Variants in LIN28A observed in about 807,000 individuals in gnomAD.
LIN28A encodes lin-28 RNA binding posttranscriptional regulator A.
LIN28A carries 11 observed loss-of-function variants against 21.1 expected under a neutral mutation model. That is an observed-to-expected ratio of 0.52 (90% CI 0.33 to 0.86). The LOEUF (loss-of-function observed/expected upper bound fraction) is 0.86. LIN28A is among the 40% of genes least tolerant of loss of function. The pLI, the probability that LIN28A is intolerant of heterozygous loss-of-function variation, is 0.03. For missense variants in LIN28A, 219 were observed against 279.8 expected, an observed-to-expected ratio of 0.78 and a Z score of 1.55; for synonymous variants, 111 against 108.7, an observed-to-expected ratio of 1.02 and a Z score of -0.13.
At chr1:26,423,759 TGTTTGTTG>T (rs1293534413) in intron 2 of LIN28A, among the ~76,000 whole-genome samples, 1 of 132,642 alleles carries the variant, frequency 7.5e-6, no homozygotes, top group Non-Finnish European at 1.5e-5. Flanking sequence ...TTTGTTTTTT[TGTTTGTTG>T]GTTTGTTTGT....
chr1:26,426,417 G>A lies in LIN28A; in HGVS notation c.589G>A (p.Glu197Lys). 1 of 1,614,184 alleles carries A rather than the reference G, an allele frequency of 6.2e-7. No homozygotes were observed. The highest frequency in any genetic ancestry group is 1.1e-5 in the South Asian group (1 of 91,082). Residue 197 changes from glutamate to lysine, a missense_variant, in exon 4 of 4, where the codon GAA (glutamate) becomes AAA (lysine). Coordinates refer to ENST00000326279, the MANE Select transcript of LIN28A (RefSeq NM_024674.6). The part of the protein sequence containing the change: ...KPTYFREEEE[E>K]IHSPTLLPEA... ...AACCTACTTTCGAGAGGAAGAAGAA[G>A]AAATCCACAGCCCTACCCTGCTCCC... is the stretch of plus-strand genomic sequence containing the variant.
chr1:26,427,948 C>T lies in LIN28A; in HGVS notation c.*1490C>T, dbSNP rs918737608. 5.9e-5 allele frequency: 9 copies of T among 152,576 alleles called. No individual in the cohort carries two copies. Among genetic ancestry groups the T allele is most frequent in the Admixed American group, 1.3e-4 (2 of 15,270 alleles). The allele number at this position is 152,576 out of a possible 1,614,324, so 9.5% of individuals were successfully genotyped here. On this transcript the variant is annotated 3_prime_UTR_variant, in exon 4 of 4. Transcript: ENST00000326279. The stretch of plus-strand genomic sequence containing the variant: ...TTTCGTTTACACGCTGTGAGATCAC[C>T]GCAAACCTACCTTACTGTGTTGAAA...
At chr1:26,421,971 A>G (rs576812141) in intron 2 of LIN28A, among the ~76,000 whole-genome samples, 38 of 151,054 alleles carry the variant, frequency 2.5e-4, no homozygotes, top group African/African-American at 9.0e-4. Context: ...TTATCTCTAA[A>G]TATTTCAGTG....
intron 2 of LIN28A, among the ~76,000 whole-genome samples, chr1:26,412,487 T>C (rs2074966751): frequency 6.6e-6 from 1 of 152,166 alleles, no homozygotes; most frequent in African/African-American, 2.4e-5. Flanking sequence ...CCTAGAGGCA[T>C]TCCGGTGGTC....
At chr1:26,425,159 T>C in intron 2 of LIN28A, 144 bp from the exon 3 acceptor site, 2 of 728,534 alleles carry the variant, frequency 2.7e-6, no homozygotes, top group Non-Finnish European at 4.5e-6. Flanking sequence ...TTCTTAATCG[T>C]AGTGACTCTT....
intron 2 of LIN28A, among the ~76,000 whole-genome samples, chr1:26,414,850 C>A (rs1407405326): frequency 6.6e-6 from 1 of 152,092 alleles, no homozygotes; most frequent in East Asian, 1.9e-4. Context: ...GTCAAATGTC[C>A]CCTTGGAGTC....
chr1:26,422,588 T>C (rs926891752), intron 2 of LIN28A, among the ~76,000 whole-genome samples: 4 of 152,124 alleles, frequency 2.6e-5, no homozygotes, highest in African/African-American at 9.7e-5. Context: ...AGATTCAGGA[T>C]GTGCATTTTT....
At chr1:26,414,661 T>C (rs2074983045) in intron 2 of LIN28A, among the ~76,000 whole-genome samples, 1 of 152,236 alleles carries the variant, frequency 6.6e-6, no homozygotes, top group South Asian at 2.1e-4. Context: ...GGGAAATAGA[T>C]AGCAAGCCCT....
intron 2 of LIN28A, among the ~76,000 whole-genome samples, chr1:26,413,757 C>G (rs2074975801): frequency 6.6e-6 from 1 of 151,590 alleles, no homozygotes; most frequent in Non-Finnish European, 1.5e-5. Context: ...CCCACCTTAA[C>G]CGTAAGTTAG....
chr1:26,416,662 G>A (rs1401437972), intron 2 of LIN28A, among the ~76,000 whole-genome samples: 1 of 152,034 alleles, frequency 6.6e-6, no homozygotes, highest in Non-Finnish European at 1.5e-5. Context: ...CTGTTGCCCA[G>A]GCTGGAGTGC....
rs753525399 is a variant in LIN28A, at chr1:26,411,555, C to T, written c.201C>T (p.Asp67=). The stretch of plus-strand genomic sequence containing the variant: ...CCGCCCGCGCCGGGGTCGCGCTCGA[C>T]CCCCCAGTGGATGTCTTTGTGCACC... ...SMTARAGVAL[D]PPVDVFVHQS... Residue 67 remains aspartate (D), a synonymous_variant, in exon 2 of 4, where the codon GAC becomes GAT. Coordinates refer to ENST00000326279, the MANE Select transcript of LIN28A (RefSeq NM_024674.6). The surrounding 1 kb of genome is among the most constrained non-coding windows in gnomAD (Gnocchi z 5.4). The T allele has an allele frequency of 3.7e-6, 6 of 1,613,642 alleles. No homozygotes were observed. Among genetic ancestry groups the T allele is most frequent in the East Asian group, 2.2e-5 (1 of 44,810 alleles).
In LIN28A at chr1:26,425,504, A is replaced by G. The variant is rs749586022; in HGVS notation, c.413+17A>G. The G allele has an allele frequency of 1.1e-5, 18 of 1,610,812 alleles. No individual in the cohort carries two copies. Among genetic ancestry groups the G allele is most frequent in the Non-Finnish European group, 1.5e-5 (18 of 1,177,610 alleles). On this transcript the variant is annotated intron_variant, in intron 3 of 3. Coordinates refer to ENST00000326279, the MANE Select transcript of LIN28A (RefSeq NM_024674.6). Reference sequence around the variant, plus strand: ...AGGAGACAGGTATGGATTGGAAGGCAGCTTATATAGGTTGCTAAGGGCATC... The same window carrying G: ...AGGAGACAGGTATGGATTGGAAGGCGGCTTATATAGGTTGCTAAGGGCATC...
chr1:26,425,560 T>C (rs2075053805), intron 3 of LIN28A, 73 bp downstream of exon 3: 3 of 1,406,102 alleles, frequency 2.1e-6, no homozygotes, highest in Non-Finnish European at 3.0e-6. Flanking sequence ...ACTTTTTGGG[T>C]CACACTGCAA....
intron 2 of LIN28A, among the ~76,000 whole-genome samples, chr1:26,412,778 G>T (rs2074968767): frequency 6.6e-6 from 1 of 152,096 alleles, no homozygotes; most frequent in African/African-American, 2.4e-5. Flanking sequence ...GGATGGACTA[G>T]TTGGAGGCAG....
rs768055786 is a variant in LIN28A at position 26,426,397 on chromosome 1, A to G, written c.569A>G (p.Tyr190Cys). 3.1e-6 allele frequency: 5 copies of G among 1,614,190 alleles called. No individual in the cohort carries two copies. The highest frequency in any genetic ancestry group is 2.2e-5 in the East Asian group (1 of 44,884). Residue 190 changes from tyrosine (Y) to cysteine (C), a missense_variant, in exon 4 of 4, where the codon TAC becomes TGC. Transcript: ENST00000326279. ...QGPSAQGKPT[Y>C]FREEEEEIHS... Reference sequence around the variant, plus strand: ...CCTAGTGCACAGGGAAAGCCAACCTACTTTCGAGAGGAAGAAGAAGAAATC... The same window carrying G: ...CCTAGTGCACAGGGAAAGCCAACCTGCTTTCGAGAGGAAGAAGAAGAAATC...
At position 26,427,510 on chromosome 1, in the gene LIN28A, G is replaced by A. The variant is rs1478489398; in HGVS notation, c.*1052G>A. The A allele has an allele frequency of 6.6e-6, 1 of 152,664 alleles. No homozygotes were observed. Among genetic ancestry groups the A allele is most frequent in the Non-Finnish European group, 1.5e-5 (1 of 68,062 alleles). 9.5% of individuals were successfully genotyped at this position (152,664 alleles called of 1,614,324 possible). ...CCTTCTACTGGAAGATTGGGAATTA[G>A]TCTAAACAGGAAATGGTGGTACACA... On this transcript the variant is annotated 3_prime_UTR_variant, in exon 4 of 4. Coordinates refer to ENST00000326279, the MANE Select transcript of LIN28A (RefSeq NM_024674.6).
intron 2 of LIN28A, among the ~76,000 whole-genome samples, chr1:26,419,074 T>C (rs1321459592): frequency 2.1e-5 from 3 of 143,210 alleles, no homozygotes; most frequent in African/African-American, 5.2e-5. Context: ...CTTTTCTTTT[T>C]GGAGGGGATG....
intron 2 of LIN28A, among the ~76,000 whole-genome samples, chr1:26,420,737 T>C (rs1039450820): frequency 3.9e-5 from 6 of 152,172 alleles, no homozygotes; most frequent in South Asian, 2.1e-4. Flanking sequence ...TACTTACTCA[T>C]GTTCCCTTGA....
rs2075069954 is a variant in LIN28A at position 26,428,025 on chromosome 1, C to CT, written c.*1569dup. The CT allele has an allele frequency of 6.6e-6, 1 of 152,640 alleles. No homozygotes were observed. The highest frequency in any genetic ancestry group is 6.5e-5 in the Admixed American group (1 of 15,276). The allele number at this position is 152,640 out of a possible 1,614,324, so 9.5% of individuals were successfully genotyped here. A position where few individuals can be genotyped will look rare whatever the true frequency, so the allele number is the denominator to read the frequency against. ...GGTGGTGTGTGTCTGATCCTGGGTT[C>CT]TTGTCTCCCCTAAATGCTGCCCCCC... On this transcript the variant is annotated 3_prime_UTR_variant, in exon 4 of 4. Transcript: ENST00000326279.
Sources: gnomAD v4.1 joint callset for allele counts (sites outside exome capture counted in the v4.1 genomes callset) on GRCh38, gnomAD v4.1.1 for gene constraint, Gnocchi (gnomAD v3.1) non-coding constraint, MANE v1.5 for transcripts, NCBI Gene and HGNC (gene_info 2026-07-23, HGNC 2026-07-21) for gene names.